The following MARCHF10 variants were observed in gnomAD, a reference collection of about 807,000 sequenced individuals.
The protein encoded by MARCHF10 is probable E3 ubiquitin-protein ligase MARCHF10.
In MARCHF10, 64 loss-of-function variants were observed where a neutral mutation model predicts 76.2. That is an observed-to-expected ratio of 0.84 (90% CI 0.69 to 1.03). The LOEUF is 1.03. MARCHF10 is among the 50% of genes least tolerant of loss of function. MARCHF10 has a pLI of 0.00. For missense variants in MARCHF10, 875 were observed against 958.0 expected (o/e 0.91, Z 1.14); for synonymous variants, 340 against 357.5 (o/e 0.95, Z 0.55).
At chr17:62,704,037 G>C (rs1305263826) in intron 10 of MARCHF10, among the ~76,000 whole-genome samples, 1 of 151,566 alleles carries the variant, frequency 6.6e-6, no homozygotes, top group African/African-American at 2.4e-5. Context: ...TCCGGGGCGG[G>C]GCTGGGGAGG....
intron 3 of MARCHF10, among the ~76,000 whole-genome samples, chr17:62,774,552 C>A (rs958701821): frequency 5.9e-5 from 9 of 152,130 alleles, no homozygotes; most frequent in Admixed American, 6.5e-5. Flanking sequence ...AGCTTCACTG[C>A]GGCAGGGAGG....
chr17:62,765,122 G>A (rs35535535), intron 3 of MARCHF10, among the ~76,000 whole-genome samples: 75,361 of 151,764 alleles, frequency 0.5, 20,258 homozygotes, highest in East Asian at 0.7. Flanking sequence ...CAAGGCAGGC[G>A]GATCACTTGA....
In MARCHF10 at chr17:62,727,675, T is replaced by C. The variant is rs370874535; in HGVS notation, c.1938-2571A>G. ...TCTCTTAAAAGACCAAAAAAGAAAA[T>C]TAAATAGAATGAATCCACAATAGTG... On this transcript the variant is annotated intron_variant, in intron 6 of 10. Coordinates refer to ENST00000311269, the MANE Select transcript of MARCHF10 (RefSeq NM_152598.4). 2.6e-5 allele frequency among the ~76,000 whole-genome samples: 4 copies of C among 151,804 alleles called. No individual in the cohort carries two copies. The East Asian group carries it at 7.7e-4, about 29-fold the overall frequency.
intron 7 of MARCHF10, among the ~76,000 whole-genome samples, chr17:62,722,937 A>C (rs2090563133): frequency 6.6e-6 from 1 of 152,036 alleles, no homozygotes; most frequent in Admixed American, 6.6e-5. Context: ...GTTTGTAAAA[A>C]GAGTGACTAT....
chr17:62,773,609 T>C (rs2092488439), intron 3 of MARCHF10, among the ~76,000 whole-genome samples: 1 of 151,940 alleles, frequency 6.6e-6, no homozygotes, highest in South Asian at 2.1e-4. Flanking sequence ...GAGCAGGGGA[T>C]CCAGATGGGA....
chr17:62,742,177 G>A (rs1312005649), intron 5 of MARCHF10, among the ~76,000 whole-genome samples: 2 of 151,586 alleles, frequency 1.3e-5, no homozygotes, highest in African/African-American at 4.9e-5. Flanking sequence ...GTGCCACCAC[G>A]CCCAGCTAAT....
intron 2 of MARCHF10, chr17:62,795,008 A>G (rs2092959707): frequency 5.1e-5 from 50 of 985,286 alleles, no homozygotes; most frequent in Non-Finnish European, 5.5e-5. Flanking sequence ...TGAAGAGTAG[A>G]GCAACACATA....
chr17:62,781,624 G>A (rs1384569475), intron 3 of MARCHF10, among the ~76,000 whole-genome samples: 1 of 152,180 alleles, frequency 6.6e-6, no homozygotes, highest in East Asian at 1.9e-4. Flanking sequence ...AGAGCCACTG[G>A]TTGTGGTGAG....
chr17:62,724,339 C>G (rs2090648644), intron 7 of MARCHF10, among the ~76,000 whole-genome samples: 1 of 152,070 alleles, frequency 6.6e-6, no homozygotes, highest in Non-Finnish European at 1.5e-5. Context: ...GTGCCGCACA[C>G]CCAGTTATAA....
At chr17:62,807,396 T>C (rs887974149) in intron 1 of MARCHF10, among the ~76,000 whole-genome samples, 13 of 152,054 alleles carry the variant, frequency 8.5e-5, no homozygotes, top group Non-Finnish European at 1.3e-4. Context: ...AACAGACTTG[T>C]GTTTGGCGGT....
At chr17:62,720,667 G>A (rs1433870335) in intron 8 of MARCHF10, among the ~76,000 whole-genome samples, 1 of 152,146 alleles carries the variant, frequency 6.6e-6, no homozygotes, top group Non-Finnish European at 1.5e-5. Context: ...GTAAGCACCT[G>A]GTTGCACTCC....
chr17:62,762,437 G>C (rs938055313), intron 3 of MARCHF10, among the ~76,000 whole-genome samples: 2 of 152,208 alleles, frequency 1.3e-5, no homozygotes, highest in African/African-American at 4.8e-5. Flanking sequence ...TTACAAATGT[G>C]TTAATGGACT....
chr17:62,750,827 C>G (rs894347906), intron 4 of MARCHF10, among the ~76,000 whole-genome samples: 1 of 152,140 alleles, frequency 6.6e-6, no homozygotes, highest in Non-Finnish European at 1.5e-5. Context: ...CTGAGGCTGC[C>G]GTGTGGAAGC....
In MARCHF10 at chr17:62,753,466, T is replaced by G. The variant is rs2091955523; in HGVS notation, c.382+6369A>C. ...GGAATATCCCTGAGATCTTCTTCAA[T>G]GCAGGTTCTGAGCCAGTCAGTCTGG... On this transcript the variant is annotated intron_variant, in intron 4 of 10. Transcript: ENST00000311269. Among the ~76,000 whole-genome samples, 5 of 152,320 alleles carry G rather than the reference T, an allele frequency of 3.3e-5. No individual in the cohort carries two copies. The South Asian group carries it at 1.0e-3, about 32-fold the overall frequency.
At chr17:62,705,114 A>C (rs901545388) in intron 10 of MARCHF10, 51 of 1,102,904 alleles carry the variant, frequency 4.6e-5, no homozygotes, top group Non-Finnish European at 5.0e-5. Context: ...CTAGCTTGTG[A>C]GTGAATGTGG....
intron 2 of MARCHF10, among the ~76,000 whole-genome samples, chr17:62,791,622 G>C (rs1414304047): frequency 6.6e-6 from 1 of 152,146 alleles, no homozygotes; most frequent in Non-Finnish European, 1.5e-5. Context: ...CTTTTATCTT[G>C]ACAGAGCCAA....
At chr17:62,777,717 AAAAAAAAAAAG>A (rs998864425) in intron 3 of MARCHF10, among the ~76,000 whole-genome samples, 4 of 149,622 alleles carry the variant, frequency 2.7e-5, no homozygotes, top group Non-Finnish European at 5.9e-5. Context: ...CCATCTCAAA[AAAAAAAAAAAG>A]AAAAAAAAAA....
At chr17:62,753,756 C>T (rs905570043) in intron 4 of MARCHF10, among the ~76,000 whole-genome samples, 3 of 152,342 alleles carry the variant, frequency 2.0e-5, no homozygotes, top group African/African-American at 7.2e-5. Context: ...GCTCTTAGAA[C>T]TTACCTTGGT....
intron 3 of MARCHF10, among the ~76,000 whole-genome samples, chr17:62,770,090 G>A (rs2092413920): frequency 6.6e-6 from 1 of 152,114 alleles, no homozygotes; most frequent in Admixed American, 6.6e-5. Context: ...TCAATATTTA[G>A]CTCCCACTTA....
Sources: gnomAD v4.1 joint callset for allele counts (sites outside exome capture counted in the v4.1 genomes callset) on GRCh38, gnomAD v4.1.1 for gene constraint, MANE v1.5 for transcripts, NCBI Gene and HGNC (gene_info 2026-07-23, HGNC 2026-07-21) for gene names.